The following SIRT4 variants were observed in gnomAD, a reference collection of about 807,000 sequenced individuals.
The protein encoded by SIRT4 is sirtuin 4.
In SIRT4, 23 loss-of-function variants were observed where a neutral mutation model predicts 26.1. The ratio of observed to expected loss-of-function variants is 0.88; its 90% CI spans 0.63 to 1.25. The LOEUF (loss-of-function observed/expected upper bound fraction) is 1.25. SIRT4 is among the 50% of genes most tolerant of loss of function. The pLI is 0.00. For missense variants in SIRT4, 361 were observed against 405.4 expected (o/e 0.89, Z 0.94); for synonymous variants, 155 against 158.4 (o/e 0.98, Z 0.16).
chr12:120,304,831 ATATATT>A (rs1400979276), intron 2 of SIRT4, among the ~76,000 whole-genome samples: 2 of 5,614 alleles, frequency 3.6e-4, no homozygotes, highest in African/African-American at 5.0e-4. Flanking sequence ...ATATATATAT[ATATATT>A]TTTTTTTTTT....
At chr12:120,302,557 T>C (rs1252225216) in intron 1 of SIRT4, among the ~76,000 whole-genome samples, 179 bp downstream of exon 1, 3 of 152,258 alleles carry the variant, frequency 2.0e-5, no homozygotes, top group Non-Finnish European at 4.4e-5. Context: ...TGTGTGTTTG[T>C]TCAGCTGTTC....
rs753389615 is a variant in SIRT4, at chr12:120,312,936, T to C, written c.845T>C (p.Ile282Thr). ...ACTGCCTGGGAGAAGAAGCTCCCGA[T>C]TGCAATACTGAACATTGGGCCCACA... is the stretch of plus-strand genomic sequence containing the variant. The part of the protein sequence containing the change: ...ILTAWEKKLP[I>T]AILNIGPTRS... Residue 282 changes from isoleucine (I) to threonine (T), a missense_variant, in exon 4 of 4, where the codon ATT (isoleucine) becomes ACT (threonine). By Grantham distance (89) the Ile-to-Thr change is moderately conservative. Coordinates refer to ENST00000202967, the MANE Select transcript of SIRT4 (RefSeq NM_012240.3). 1.3e-5 allele frequency: 21 copies of C among 1,614,082 alleles called. No homozygotes were observed. The highest frequency in any genetic ancestry group is 8.9e-5 in the East Asian group (4 of 44,898).
At chr12:120,300,050 C>T (rs956741706), upstream of SIRT4, among the ~76,000 whole-genome samples, 1 of 152,014 alleles carries the variant, frequency 6.6e-6, no homozygotes, top group Non-Finnish European at 1.5e-5. Flanking sequence ...TTTGGGAGGC[C>T]AAAGCAAGAG....
the SIRT4 span, chr12:120,292,969 C>T: frequency 1.3e-5 from 2 of 152,052 alleles, no homozygotes; most frequent in African/African-American, 2.4e-5. Flanking sequence ...TCTCGCGAAT[C>T]AGCTGGTAAG....
chr12:120,313,176 G>T lies in SIRT4; in HGVS notation c.*140G>T. ...ACTGACAAAGTATAGAAGGTTCTAG[G>T]TATCTTAATGTGTGGATATTCTTAA... On this transcript the variant is annotated 3_prime_UTR_variant, in exon 4 of 4. Coordinates refer to ENST00000202967, the MANE Select transcript of SIRT4 (RefSeq NM_012240.3). 1.2e-6 allele frequency: 1 copy of T among 865,964 alleles called. No homozygotes were observed. Among genetic ancestry groups the T allele is most frequent in the Non-Finnish European group, 1.8e-6 (1 of 557,888 alleles). The allele number at this position is 865,964 out of a possible 1,614,324, so 53.6% of individuals were successfully genotyped here. A position where few individuals can be genotyped will look rare whatever the true frequency, so the allele number is the denominator to read the frequency against.
At chr12:120,312,793 T>C (rs1873044661) in intron 3 of SIRT4, 43 bp downstream of exon 3, 4 of 1,606,490 alleles carry the variant, frequency 2.5e-6, no homozygotes, top group Admixed American at 3.4e-5. Flanking sequence ...TTGTGCGGGA[T>C]TGGGAGTCCT....
rs140823540 is a variant in SIRT4 at position 120,312,700 on chromosome 12, A to G, written c.742A>G (p.Lys248Glu). 5.1e-5 allele frequency: 82 copies of G among 1,613,858 alleles called. 2 individuals carry two copies. The highest frequency in any genetic ancestry group is 4.9e-4 in the Middle Eastern group (3 of 6,082). Residue 248 changes from lysine to glutamate, a missense_variant, in exon 3 of 4, where the codon AAG becomes GAG. Lys to Glu is a moderately conservative substitution (Grantham distance 56). Transcript: ENST00000202967. ...VNPDKVDFVH[K>E]RVKEADSLLV... ...CCCTGACAAGGTTGATTTTGTGCAC[A>G]AGCGTGTAAAAGAAGCCGACTCCCT...
chr12:120,292,976 T>A, the SIRT4 span: 2 of 152,156 alleles, frequency 1.3e-5, no homozygotes, highest in Non-Finnish European at 2.9e-5. Context: ...AATCAGCTGG[T>A]AAGACACTTC....
At chr12:120,291,844 T>TA in the SIRT4 span, 2 of 152,170 alleles carry the variant, frequency 1.3e-5, no homozygotes, top group Admixed American at 6.6e-5. Context: ...AGTTTTCAAT[T>TA]AGCAATAATC....
At chr12:120,293,410 C>G in the SIRT4 span, among the ~76,000 whole-genome samples, 1 of 152,138 alleles carries the variant, frequency 6.6e-6, no homozygotes, top group Non-Finnish European at 1.5e-5. Flanking sequence ...GCTGATTTCA[C>G]TTAGCTAGGT....
At chr12:120,292,097 A>T in the SIRT4 span, among the ~76,000 whole-genome samples, 1 of 152,232 alleles carries the variant, frequency 6.6e-6, no homozygotes, top group African/African-American at 2.4e-5. Context: ...AACCATAAGA[A>T]TATTCGCTTG....
At chr12:120,292,430 G>T in the SIRT4 span, among the ~76,000 whole-genome samples, 2 of 151,992 alleles carry the variant, frequency 1.3e-5, no homozygotes, top group East Asian at 1.9e-4. Context: ...GTGAAACGGG[G>T]TCGCTACTAA....
chr12:120,299,549 C>CAA (rs35920345), upstream of SIRT4, among the ~76,000 whole-genome samples: 2 of 130,818 alleles, frequency 1.5e-5, no homozygotes, highest in African/African-American at 2.9e-5. Context: ...TAGACTCTCT[C>CAA]AAAAAAAAAA....
chr12:120,299,325 G>A (rs1001151109), upstream of SIRT4, among the ~76,000 whole-genome samples: 19 of 151,618 alleles, frequency 1.3e-4, no homozygotes, highest in Admixed American at 1.3e-3. Flanking sequence ...ACTGAGGCAG[G>A]TGGGTCACCT....
At chr12:120,291,811 C>G in the SIRT4 span, 2 of 152,124 alleles carry the variant, frequency 1.3e-5, no homozygotes, top group South Asian at 2.1e-4. Flanking sequence ...TATTTCAAGT[C>G]GTCATGGCGG....
intron 2 of SIRT4, among the ~76,000 whole-genome samples, chr12:120,310,742 C>CT (rs563276611): frequency 6.6e-4 from 94 of 143,240 alleles, no homozygotes; most frequent in East Asian, 1.0e-3. Flanking sequence ...GACCCTGTCT[C>CT]TTTTTTTTTT....
At chr12:120,295,834 G>A in the SIRT4 span, among the ~76,000 whole-genome samples, 1 of 151,650 alleles carries the variant, frequency 6.6e-6, no homozygotes, top group Non-Finnish European at 1.5e-5. Context: ...AAGGCAGGTG[G>A]ATCACCTGAG....
At chr12:120,311,560 C>T (rs548035082) in intron 2 of SIRT4, among the ~76,000 whole-genome samples, 98 of 150,112 alleles carry the variant, frequency 6.5e-4, no homozygotes, top group Non-Finnish European at 1.3e-3. Context: ...GGAGAAACCC[C>T]GTCTCTACTA....
At chr12:120,292,837 G>A in the SIRT4 span, among the ~76,000 whole-genome samples, 3 of 151,830 alleles carry the variant, frequency 2.0e-5, 1 homozygote, top group Admixed American at 1.3e-4. Context: ...AAGAAAACAG[G>A]ACAGCCAACT....
Sources: gnomAD v4.1 joint callset for allele counts (sites outside exome capture counted in the v4.1 genomes callset) on GRCh38, gnomAD v4.1.1 for gene constraint, MANE v1.5 for transcripts, NCBI Gene and HGNC (gene_info 2026-07-23, HGNC 2026-07-21) for gene names.